The following UGP2 variants were observed in gnomAD, a reference collection of about 807,000 sequenced individuals.
UGP2 encodes UTP--glucose-1-phosphate uridylyltransferase.
In UGP2, 40 loss-of-function variants were observed where a neutral mutation model predicts 49.0. That is an observed-to-expected ratio of 0.82 (90% confidence interval 0.63 to 1.06). The LOEUF is 1.06. Among genes scored for constraint, UGP2 ranks in the 50% least tolerant of loss-of-function variants. The probability of loss-of-function intolerance (pLI) is 0.00; values close to 1 mark genes in which losing one functional copy is unlikely to be tolerated. For missense variants in UGP2, 460 were observed against 603.5 expected (o/e 0.76, Z 2.49); for synonymous variants, 225 against 213.0 (o/e 1.06, Z -0.49).
At position 63,845,724 on chromosome 2, in the gene UGP2, AAGTTCAGCAGATCTGGGCATTAC is replaced by A. The variant is rs796986999; in HGVS notation, c.19+3522_19+3544del. 3.9e-5 allele frequency among the ~76,000 whole-genome samples: 6 copies of A among 152,250 alleles called. 1 individual carries two copies. Among genetic ancestry groups the A allele is most frequent in the African/African-American group, 1.4e-4 (6 of 41,534 alleles). ...GGCATATCCCTTATGGTAGGCACTGAAGTTCAGCAGATCTGGGCATTACACCTAAGTGTTGTGTACACCTGTTT... is the reference window on the plus strand; with the variant it reads ...GGCATATCCCTTATGGTAGGCACTGAACCTAAGTGTTGTGTACACCTGTTT... On this transcript the variant is annotated intron_variant, in intron 1 of 9. Coordinates refer to ENST00000337130, the MANE Select transcript of UGP2 (RefSeq NM_006759.4).
Position 63,842,502 on chromosome 2 carries a change from A to G in UGP2, c.19+298A>G, listed in dbSNP as rs1334897978. On this transcript the variant is annotated intron_variant, in intron 1 of 9. Transcript: ENST00000337130. ...TGATAAAACAGGATTTTTGGCTGCT[A>G]ATTAATCCTTGTTCTCTTTTCCTGG... The G allele has an allele frequency of 2.0e-6, 3 of 1,535,976 alleles. No individual in the cohort carries two copies. In the African/African-American group the frequency reaches 4.1e-5, roughly 21 times the overall value.
intron 3 of UGP2, among the ~76,000 whole-genome samples, chr2:63,866,657 G>A (rs995269265): frequency 2.6e-5 from 4 of 152,132 alleles, no homozygotes; most frequent in African/African-American, 9.7e-5. Flanking sequence ...AGAACAGAAC[G>A]TGCTCTAAGA....
At position 63,853,554 on chromosome 2, in the gene UGP2, T is replaced by C. The variant is rs183710404; in HGVS notation, c.20-2752T>C. 5.7e-4 allele frequency among the ~76,000 whole-genome samples: 87 copies of C among 152,286 alleles called. 1 individual carries two copies. Among genetic ancestry groups the C allele is most frequent in the African/African-American group, 1.9e-3 (79 of 41,546 alleles). On this transcript the variant is annotated intron_variant, in intron 1 of 9. Coordinates refer to ENST00000337130, the MANE Select transcript of UGP2 (RefSeq NM_006759.4). Reference sequence around the variant, plus strand: ...TGGGACTGATCAGACAGAGGTGGCCTAGGGATGGCTCTTCAACTTCTCTGT... The same window carrying C: ...TGGGACTGATCAGACAGAGGTGGCCCAGGGATGGCTCTTCAACTTCTCTGT...
chr2:63,855,150 A>T (rs1019264547), intron 1 of UGP2, among the ~76,000 whole-genome samples: 2 of 152,138 alleles, frequency 1.3e-5, no homozygotes, highest in Non-Finnish European at 2.9e-5. Context: ...ATTTAGTTTT[A>T]TCTTATATGT....
At chr2:63,879,225 A>G (rs902663389) in intron 3 of UGP2, among the ~76,000 whole-genome samples, 1 of 152,124 alleles carries the variant, frequency 6.6e-6, no homozygotes, top group African/African-American at 2.4e-5. Flanking sequence ...TTGTTCCCTC[A>G]AAAAGGGAAT....
intron 3 of UGP2, among the ~76,000 whole-genome samples, chr2:63,858,705 A>C (rs1575815738): frequency 6.6e-6 from 1 of 151,768 alleles, no homozygotes; most frequent in African/African-American, 2.4e-5. Context: ...ATTGTGATTT[A>C]TTTTTCTACT....
At chr2:63,841,247 C>G (rs1046839870), upstream of UGP2, 1 of 151,912 alleles carries the variant, frequency 6.6e-6, no homozygotes, top group Admixed American at 6.6e-5. Context: ...GTCTCGCTGG[C>G]GGCTTGAGGA....
intron 3 of UGP2, among the ~76,000 whole-genome samples, chr2:63,877,552 T>TA (rs1189519139): frequency 6.6e-6 from 1 of 152,254 alleles, no homozygotes; most frequent in Non-Finnish European, 1.5e-5. Context: ...CTTGAGATCT[T>TA]ACATTTTGGA....
intron 1 of UGP2, among the ~76,000 whole-genome samples, chr2:63,853,844 GA>G (rs987727988): frequency 6.6e-6 from 1 of 152,114 alleles, no homozygotes; most frequent in Non-Finnish European, 1.5e-5. Flanking sequence ...TGAACAGGAA[GA>G]ATTAGGAAAC....
At chr2:63,842,710 C>A in intron 1 of UGP2, 1 of 1,055,456 alleles carries the variant, frequency 9.5e-7, no homozygotes, top group Non-Finnish European at 1.3e-6. Context: ...GGGAGTAGCC[C>A]GAAGAAGCTG....
At chr2:63,864,650 TA>T (rs1050973500) in intron 3 of UGP2, among the ~76,000 whole-genome samples, 2 of 152,240 alleles carry the variant, frequency 1.3e-5, no homozygotes, top group African/African-American at 4.8e-5. Flanking sequence ...CCCGCATTCC[TA>T]ATCACTATGA....
intron 8 of UGP2, chr2:63,889,838 C>A (rs2104372405): frequency 2.0e-5 from 7 of 353,092 alleles, no homozygotes; most frequent in East Asian, 5.4e-5. Flanking sequence ...AGAAAAAAAA[C>A]CCTTAGATCT....
At chr2:63,871,423 T>TTA (rs1670542511) in intron 3 of UGP2, among the ~76,000 whole-genome samples, 1 of 152,154 alleles carries the variant, frequency 6.6e-6, no homozygotes, top group Non-Finnish European at 1.5e-5. Context: ...GTAGCTGGGA[T>TTA]TACAGGAATG....
Position 63,884,435 on chromosome 2 carries a change from A to C in UGP2, c.575+342A>C, listed in dbSNP as rs573575429. Among the ~76,000 whole-genome samples the C allele has an allele frequency of 2.0e-5, 3 of 152,330 alleles. No homozygotes were observed. In the South Asian group the frequency reaches 6.2e-4, roughly 32 times the overall value. On this transcript the variant is annotated intron_variant, in intron 5 of 9. Coordinates refer to ENST00000337130, the MANE Select transcript of UGP2 (RefSeq NM_006759.4). ...ACATTATTGATAACCTTTCCTATGG[A>C]AAGGAATTTCTTCAACACCTTTTAT...
Position 63,842,014 on chromosome 2 carries a change from T to C in UGP2, c.-172T>C. 1 of 733,484 alleles carries C rather than the reference T, an allele frequency of 1.4e-6. No individual in the cohort carries two copies. The allele number at this position is 733,484 out of a possible 1,614,324, so 45.4% of individuals were successfully genotyped here. On this transcript the variant is annotated 5_prime_UTR_variant, in exon 1 of 10. Coordinates refer to ENST00000337130, the MANE Select transcript of UGP2 (RefSeq NM_006759.4). ...AGGAGTTTCTTTCTTTCTTTTCTTT[T>C]TTCTTGAGCCAGTTTTAATCGCTTT...
In UGP2 at chr2:63,891,175, C is replaced by G; in HGVS notation, c.1475C>G (p.Ala492Gly). ...GACAGAATTGATATCCCACCTGGAG[C>G]AGTATTAGAGAACAAGATTGTGTCT... ...HGDRIDIPPG[A>G]VLENKIVSGN... is the part of the protein sequence containing the mutation. Residue 492 changes from alanine to glycine, a missense_variant, in exon 10 of 10, where the codon GCA becomes GGA. Transcript: ENST00000337130. 1.2e-6 allele frequency: 2 copies of G among 1,613,638 alleles called. No individual in the cohort carries two copies. Among genetic ancestry groups the G allele is most frequent in the Non-Finnish European group, 1.7e-6 (2 of 1,179,794 alleles).
intron 3 of UGP2, among the ~76,000 whole-genome samples, chr2:63,871,293 A>G (rs1176532843): frequency 6.6e-6 from 1 of 151,844 alleles, no homozygotes; most frequent in Non-Finnish European, 1.5e-5. Context: ...CTAGTGGACA[A>G]AAGCCTTTTT....
chr2:63,885,504 A>T (rs1671614419), intron 5 of UGP2, 85 bp from the exon 6 acceptor site: 2 of 1,089,816 alleles, frequency 1.8e-6, no homozygotes, highest in African/African-American at 3.3e-5. Flanking sequence ...GTGAAATTTT[A>T]TTTAACTTTA....
chr2:63,869,333 T>G (rs1670390222), intron 3 of UGP2, among the ~76,000 whole-genome samples: 1 of 152,248 alleles, frequency 6.6e-6, no homozygotes. Flanking sequence ...TATTATCACT[T>G]TAAAACATAT....
Sources: gnomAD v4.1 joint callset for allele counts (sites outside exome capture counted in the v4.1 genomes callset) on GRCh38, gnomAD v4.1.1 for gene constraint, MANE v1.5 for transcripts, NCBI Gene and HGNC (gene_info 2026-07-23, HGNC 2026-07-21) for gene names.